The following C3orf49 variants were observed in gnomAD, a reference collection of about 807,000 sequenced individuals.
C3orf49 encodes the protein chromosome 3 open reading frame 49.
Under a neutral mutation model 13.3 loss-of-function variants are expected in C3orf49, and 27 were observed. That is an observed-to-expected ratio of 2.02 (90% CI 1.49 to 2.79). The LOEUF (loss-of-function observed/expected upper bound fraction) is 2.79, where lower values mean the gene tolerates loss of function less well. C3orf49 is among the 30% of genes most tolerant of loss of function. The probability of loss-of-function intolerance (pLI) is 0.00; values close to 1 mark genes in which losing one functional copy is unlikely to be tolerated. For synonymous variants in C3orf49, 87 were observed against 47.6 expected (o/e 1.83, Z -3.40); for missense variants, 242 against 134.2 (o/e 1.80, Z -3.97).
intron 5 of C3orf49, chr3:63,834,134 A>G (rs1701576090): frequency 6.2e-7 from 1 of 1,613,938 alleles, no homozygotes. Flanking sequence ...TAGCCTGTCT[A>G]TGGCTTAGGA....
At chr3:63,828,004 T>A (rs1701487556) in intron 3 of C3orf49, among the ~76,000 whole-genome samples, 1 of 152,228 alleles carries the variant, frequency 6.6e-6, no homozygotes, top group African/African-American at 2.4e-5. Flanking sequence ...TATATTAGCA[T>A]TCTGGCCTAT....
In C3orf49 at chr3:63,827,672, A is replaced by C. The variant is rs141230373; in HGVS notation, c.517A>C (p.Arg173=). 12 of 703,046 alleles carry C rather than the reference A, an allele frequency of 1.7e-5. No individual in the cohort carries two copies. The highest frequency in any genetic ancestry group is 2.3e-5 in the Non-Finnish European group (9 of 385,048). The allele number at this position is 703,046 out of a possible 1,614,324, so 43.6% of individuals were successfully genotyped here. A position where few individuals can be genotyped will look rare whatever the true frequency, so the allele number is the denominator to read the frequency against. The change falls in exon 3 of 7, where the codon AGG becomes CGG. Residue 173 remains arginine (R), a synonymous_variant. Coordinates refer to ENST00000295896, the MANE Select transcript of C3orf49 (RefSeq NM_001355236.2). The part of the protein sequence containing the change: ...ITQGNTLLRA[R]RTTKRLSVTS... ...CCAGGGAAACACACTCCTTCGGGCC[A>C]GGAGAACCACCAAGCGGTTATCTGT...
chr3:63,802,680 G>C, the C3orf49 span, among the ~76,000 whole-genome samples: 1 of 152,112 alleles, frequency 6.6e-6, no homozygotes, highest in African/African-American at 2.4e-5. Flanking sequence ...TATGGACAAA[G>C]CAGTAAGACA....
the C3orf49 span, among the ~76,000 whole-genome samples, chr3:63,806,774 G>C: frequency 1.6e-4 from 24 of 152,062 alleles, no homozygotes; most frequent in African/African-American, 5.3e-4. Flanking sequence ...TCTTCAGAAA[G>C]TCTTTCCTGG....
At chr3:63,828,444 C>T (rs751435969) in intron 3 of C3orf49, among the ~76,000 whole-genome samples, 14 of 152,220 alleles carry the variant, frequency 9.2e-5, no homozygotes, top group Non-Finnish European at 1.6e-4. Flanking sequence ...GGACTACAGG[C>T]GTGCACAACC....
chr3:63,798,893 C>T, the C3orf49 span, among the ~76,000 whole-genome samples: 1 of 152,082 alleles, frequency 6.6e-6, no homozygotes, highest in South Asian at 2.1e-4. Context: ...CATTTAATCT[C>T]TATGAGCAAG....
intron 5 of C3orf49, chr3:63,839,872 T>C: frequency 3.0e-6 from 3 of 989,556 alleles, no homozygotes; most frequent in South Asian, 1.4e-5. Context: ...AAGAAAATTA[T>C]TGAAATGTAA....
chr3:63,839,097 C>T (rs993024502), intron 5 of C3orf49, among the ~76,000 whole-genome samples: 9 of 151,810 alleles, frequency 5.9e-5, no homozygotes, highest in Non-Finnish European at 1.2e-4. Context: ...GGTTGAGGCA[C>T]GAGTACTGCT....
chr3:63,784,011 C>A, the C3orf49 span, among the ~76,000 whole-genome samples: 1 of 151,992 alleles, frequency 6.6e-6, no homozygotes. Flanking sequence ...TCAAAATTTC[C>A]TTGACTCTCA....
At chr3:63,785,351 C>A in the C3orf49 span, among the ~76,000 whole-genome samples, 1 of 151,262 alleles carries the variant, frequency 6.6e-6, no homozygotes. Context: ...GGATTATAGG[C>A]GTGAGCCACC....
At chr3:63,800,437 A>G in the C3orf49 span, among the ~76,000 whole-genome samples, 1 of 152,114 alleles carries the variant, frequency 6.6e-6, no homozygotes, top group East Asian at 1.9e-4. Context: ...CTTGCTCAGC[A>G]CAGATGTTTT....
At chr3:63,809,357 T>C in the C3orf49 span, among the ~76,000 whole-genome samples, 1 of 152,220 alleles carries the variant, frequency 6.6e-6, no homozygotes, top group African/African-American at 2.4e-5. Context: ...AAATTTATGC[T>C]GTTTTAAGGC....
the C3orf49 span, among the ~76,000 whole-genome samples, chr3:63,811,427 G>A: frequency 1.3e-5 from 2 of 151,884 alleles, no homozygotes; most frequent in African/African-American, 2.4e-5. Context: ...GCATGGGGGC[G>A]GAGGCCTGTA....
chr3:63,785,173 C>T, the C3orf49 span, among the ~76,000 whole-genome samples: 13 of 146,270 alleles, frequency 8.9e-5, no homozygotes, highest in East Asian at 2.1e-4. Flanking sequence ...CCTGGGTTCA[C>T]GCATTCTCCT....
At chr3:63,813,498 C>T in the C3orf49 span, among the ~76,000 whole-genome samples, 1 of 152,096 alleles carries the variant, frequency 6.6e-6, no homozygotes, top group Non-Finnish European at 1.5e-5. Flanking sequence ...TATTTCAAAG[C>T]TATATGAGTC....
chr3:63,821,803 C>G (rs1225292161), intron 1 of C3orf49, among the ~76,000 whole-genome samples: 1 of 151,866 alleles, frequency 6.6e-6, no homozygotes, highest in Non-Finnish European at 1.5e-5. Context: ...AAGGGGGGAC[C>G]AGTGGATAGT....
At chr3:63,815,504 T>A (rs1420630960), upstream of C3orf49, among the ~76,000 whole-genome samples, 1 of 152,200 alleles carries the variant, frequency 6.6e-6, no homozygotes, top group East Asian at 1.9e-4. Context: ...GTCACCTATG[T>A]TCCCACCACA....
At chr3:63,789,999 G>A in the C3orf49 span, among the ~76,000 whole-genome samples, 4 of 152,024 alleles carry the variant, frequency 2.6e-5, no homozygotes, top group African/African-American at 9.7e-5. Context: ...GACTATTAGA[G>A]CCATTATCCT....
the C3orf49 span, among the ~76,000 whole-genome samples, chr3:63,809,813 C>T: frequency 5.3e-5 from 8 of 152,282 alleles, no homozygotes; most frequent in East Asian, 1.5e-3. Flanking sequence ...TAGGTCTCTG[C>T]TATTAGGTTG....
Sources: allele counts gnomAD v4.1 joint callset (sites outside exome capture counted in the v4.1 genomes callset), GRCh38; gene constraint gnomAD v4.1.1; transcripts MANE v1.5; gene names NCBI Gene and HGNC (gene_info 2026-07-23, HGNC 2026-07-21).